The following COL4A2 variants were observed in gnomAD, a reference collection of about 807,000 sequenced individuals.
The protein encoded by COL4A2 is collagen alpha-2(IV) chain.
COL4A2 carries 99 observed loss-of-function variants against 200.2 expected under a neutral mutation model. That is an observed-to-expected ratio of 0.49 (90% CI 0.42 to 0.58). The LOEUF is 0.58. COL4A2 is among the 20% of genes least tolerant of loss of function. The pLI is 0.00. For synonymous variants in COL4A2, 897 were observed against 900.6 expected (o/e 1.00, Z 0.07); for missense variants, 1,950 against 2,314.1 (o/e 0.84, Z 3.23).
In COL4A2 at chr13:110,307,673, G is replaced by C; in HGVS notation, c.-45+145G>C. On this transcript the variant is annotated intron_variant, in intron 1 of 47. Transcript: ENST00000360467. This position sits in a 1 kb window ranked among gnomAD's most constrained non-coding sequence, Gnocchi z 5.0. ...AGCGAAGACCGAGCTCCTCGGCCAAGGAGCACCCACAGGGGCCTAACGGGA... is the reference window on the plus strand; with the variant it reads ...AGCGAAGACCGAGCTCCTCGGCCAACGAGCACCCACAGGGGCCTAACGGGA... The C allele has an allele frequency of 1.7e-6, 1 of 592,374 alleles. No homozygotes were observed. Among genetic ancestry groups the C allele is most frequent in the Non-Finnish European group, 2.9e-6 (1 of 339,566 alleles). 36.7% of individuals were successfully genotyped at this position (592,374 alleles called of 1,614,324 possible).
At chr13:110,466,391 G>A (rs1057104233) in intron 26 of COL4A2, among the ~76,000 whole-genome samples, 2 of 152,172 alleles carry the variant, frequency 1.3e-5, no homozygotes, top group Non-Finnish European at 2.9e-5. Flanking sequence ...AGACGGTGGC[G>A]AGGATGTCAG....
At chr13:110,492,029 G>A in intron 37 of COL4A2, 41 bp from the exon 38 acceptor site, 1 of 1,523,120 alleles carries the variant, frequency 6.6e-7, no homozygotes, top group Non-Finnish European at 8.9e-7. Flanking sequence ...AGCGCCCAAG[G>A]TGTCCTGTGT....
chr13:110,459,884 CTG>C (rs1248903842), intron 22 of COL4A2: 3 of 151,950 alleles, frequency 2.0e-5, no homozygotes, highest in South Asian at 2.1e-4. Flanking sequence ...GATTTTTAAA[CTG>C]TGCACGTGCT....
intron 3 of COL4A2, among the ~76,000 whole-genome samples, chr13:110,312,318 A>G (rs1039563649): frequency 2.0e-5 from 3 of 152,228 alleles, no homozygotes; most frequent in African/African-American, 2.4e-5. Context: ...AGGAGAGGAA[A>G]CAGGCTCTGT....
chr13:110,445,309 C>T (rs1159066740), intron 16 of COL4A2, among the ~76,000 whole-genome samples: 1 of 152,186 alleles, frequency 6.6e-6, no homozygotes, highest in East Asian at 1.9e-4. Flanking sequence ...ATAAAAGCAA[C>T]CCGACACTCA....
intron 10 of COL4A2, chr13:110,430,893 C>T: frequency 9.6e-6 from 6 of 627,304 alleles, no homozygotes; most frequent in Non-Finnish European, 1.5e-5. Context: ...CCATACCTAC[C>T]CAGTGACAGA....
intron 38 of COL4A2, 102 bp from the exon 39 acceptor site, chr13:110,493,109 A>G (rs4000233): frequency 2.0e-5 from 10 of 492,156 alleles, no homozygotes; most frequent in African/African-American, 4.8e-5. Flanking sequence ...TGACACCCCC[A>G]TGGGTGAAAT....
At chr13:110,401,991 C>G (rs1373455449) in intron 4 of COL4A2, among the ~76,000 whole-genome samples, 3 of 152,158 alleles carry the variant, frequency 2.0e-5, no homozygotes, top group Non-Finnish European at 2.9e-5. Context: ...CTCTCAATAC[C>G]AGCAGATTGG....
intron 3 of COL4A2, among the ~76,000 whole-genome samples, chr13:110,331,491 T>C (rs1180060890): frequency 6.6e-6 from 1 of 152,184 alleles, no homozygotes; most frequent in Non-Finnish European, 1.5e-5. Flanking sequence ...CGCCTGACCC[T>C]CGTTACTGGG....
intron 31 of COL4A2, 37 bp downstream of exon 31, chr13:110,480,427 G>A: frequency 1.3e-6 from 2 of 1,580,788 alleles, no homozygotes; most frequent in Non-Finnish European, 1.7e-6. Context: ...CCCTTGGCGG[G>A]GAGGTTGGGT....
intron 34 of COL4A2, among the ~76,000 whole-genome samples, chr13:110,488,325 T>C (rs571278221): frequency 3.3e-4 from 50 of 152,270 alleles, no homozygotes; most frequent in African/African-American, 1.2e-3. Context: ...ACCCCCGGCC[T>C]AGCTATATTA....
chr13:110,440,164 C>T (rs1376886252), intron 16 of COL4A2, among the ~76,000 whole-genome samples: 1 of 152,162 alleles, frequency 6.6e-6, no homozygotes, highest in African/African-American at 2.4e-5. Context: ...ACTTGGTGAC[C>T]CAGGGTCCAC....
chr13:110,402,497 G>A (rs367665913), intron 4 of COL4A2, among the ~76,000 whole-genome samples: 2 of 152,066 alleles, frequency 1.3e-5, no homozygotes, highest in Non-Finnish European at 2.9e-5. Context: ...GGGCAGCCCC[G>A]CCTCCCATGG....
At chr13:110,419,783 G>A (rs1880179896) in intron 4 of COL4A2, among the ~76,000 whole-genome samples, 1 of 152,214 alleles carries the variant, frequency 6.6e-6, no homozygotes, top group South Asian at 2.1e-4. Flanking sequence ...CCTCACGATA[G>A]TCAAAATGGA....
intron 37 of COL4A2, among the ~76,000 whole-genome samples, chr13:110,491,787 CAG>C (rs1883293786): frequency 6.6e-6 from 1 of 152,202 alleles, no homozygotes; most frequent in African/African-American, 2.4e-5. Flanking sequence ...GGCACTGCCT[CAG>C]GGTCCTCTCC....
At chr13:110,390,422 C>T (rs972690246) in intron 4 of COL4A2, among the ~76,000 whole-genome samples, 1 of 152,246 alleles carries the variant, frequency 6.6e-6, no homozygotes, top group African/African-American at 2.4e-5. Context: ...GCCAGAGGGA[C>T]TCCACACACC....
chr13:110,364,230 T>A (rs987823527), intron 4 of COL4A2, among the ~76,000 whole-genome samples: 5 of 152,192 alleles, frequency 3.3e-5, no homozygotes, highest in African/African-American at 4.8e-5. Context: ...TTTATAGCCC[T>A]GTCTACACAT....
chr13:110,433,883 C>T (rs1220666177), intron 11 of COL4A2, among the ~76,000 whole-genome samples: 1 of 152,102 alleles, frequency 6.6e-6, no homozygotes, highest in African/African-American at 2.4e-5. Flanking sequence ...AAAAGGAAGA[C>T]AAAAAGTTTG....
chr13:110,469,929 T>TTTTTTTTG (rs1882400803), intron 28 of COL4A2, among the ~76,000 whole-genome samples: 2 of 145,144 alleles, frequency 1.4e-5, no homozygotes, highest in African/African-American at 2.6e-5. Flanking sequence ...TTTTTTTTTT[T>TTTTTTTTG]AATGAAATGG....
Sources: allele counts gnomAD v4.1 joint callset (sites outside exome capture counted in the v4.1 genomes callset), GRCh38; gene constraint gnomAD v4.1.1; non-coding constraint Gnocchi (gnomAD v3.1); transcripts MANE v1.5; gene names NCBI Gene and HGNC (gene_info 2026-07-23, HGNC 2026-07-21).